The following SIMC1 variants were observed in gnomAD, a reference collection of about 807,000 sequenced individuals.
SIMC1 encodes the protein SUMO-interacting motif-containing protein 1.
In SIMC1, 55 loss-of-function variants were observed where a neutral mutation model predicts 82.3. The ratio of observed to expected loss-of-function variants is 0.67; its 90% confidence interval spans 0.54 to 0.84. The LOEUF (loss-of-function observed/expected upper bound fraction) is 0.84. SIMC1 is among the 40% of genes least tolerant of loss of function. The pLI, the probability that SIMC1 is intolerant of heterozygous loss-of-function variation, is 0.00. For missense variants in SIMC1, 915 were observed against 1,107.2 expected, an observed-to-expected ratio of 0.83 and a Z score of 2.46; for synonymous variants, 353 against 426.3, an observed-to-expected ratio of 0.83 and a Z score of 2.12.
intron 5 of SIMC1, 26 bp downstream of exon 5, chr5:176,313,871 TGA>T (rs1192241945): frequency 6.2e-7 from 1 of 1,612,156 alleles, no homozygotes; most frequent in Non-Finnish European, 8.5e-7. Context: ...AGCCCTCGGA[TGA>T]GAAGAGGTAA....
At chr5:176,250,152 T>C (rs1165309288) in intron 1 of SIMC1, among the ~76,000 whole-genome samples, 1 of 152,218 alleles carries the variant, frequency 6.6e-6, no homozygotes, top group African/African-American at 2.4e-5. Context: ...GAATTATTTA[T>C]TTCTGCCTTA....
intron 1 of SIMC1, among the ~76,000 whole-genome samples, chr5:176,260,116 C>G (rs547317880): frequency 1.5e-4 from 23 of 151,872 alleles, no homozygotes; most frequent in African/African-American, 5.6e-4. Context: ...AATGGTATTC[C>G]CAGTGCACAA....
chr5:176,245,785 A>G (rs1761415888), intron 1 of SIMC1, among the ~76,000 whole-genome samples: 1 of 152,166 alleles, frequency 6.6e-6, no homozygotes, highest in African/African-American at 2.4e-5. Flanking sequence ...TAAAGGAAAA[A>G]TGAGGAGGAT....
intron 1 of SIMC1, among the ~76,000 whole-genome samples, chr5:176,261,801 T>C (rs1273330554): frequency 6.6e-6 from 1 of 151,910 alleles, no homozygotes; most frequent in Non-Finnish European, 1.5e-5. Flanking sequence ...AGTAGACCTA[T>C]ATTCAATAAA....
intron 1 of SIMC1, among the ~76,000 whole-genome samples, chr5:176,248,330 G>A (rs1467071873): frequency 1.3e-5 from 2 of 152,070 alleles, no homozygotes; most frequent in Non-Finnish European, 2.9e-5. Context: ...CACATCCCTT[G>A]TAAGTTGTAT....
At chr5:176,341,823 A>G (rs972988160) in intron 9 of SIMC1, among the ~76,000 whole-genome samples, 2 of 152,206 alleles carry the variant, frequency 1.3e-5, no homozygotes, top group Non-Finnish European at 2.9e-5. Context: ...TACTAACAAT[A>G]CTATCAGCTG....
chr5:176,280,146 A>G (rs932510600), intron 1 of SIMC1, among the ~76,000 whole-genome samples: 3 of 152,042 alleles, frequency 2.0e-5, no homozygotes, highest in Non-Finnish European at 4.4e-5. Context: ...TGCTTTATGA[A>G]TCTGGGTGCT....
At chr5:176,308,909 CT>C in intron 4 of SIMC1, 1 of 1,303,874 alleles carries the variant, frequency 7.7e-7, no homozygotes, top group Non-Finnish European at 1.1e-6. Flanking sequence ...CAGCGGGCCT[CT>C]TCTACAGTGG....
chr5:176,337,710 GACATTGTAA>G (rs1313188413), intron 9 of SIMC1, among the ~76,000 whole-genome samples: 1 of 152,192 alleles, frequency 6.6e-6, no homozygotes, highest in Non-Finnish European at 1.5e-5. Context: ...ACTGACTGTG[GACATTGTAA>G]ACATTGTAAA....
chr5:176,252,482 C>A (rs1432035320), intron 1 of SIMC1, among the ~76,000 whole-genome samples: 3 of 149,948 alleles, frequency 2.0e-5, no homozygotes, highest in Non-Finnish European at 4.4e-5. Flanking sequence ...TGGGCAGAGG[C>A]GCTCCTCACA....
At chr5:176,280,531 C>T (rs1004488699) in intron 1 of SIMC1, among the ~76,000 whole-genome samples, 45 of 152,054 alleles carry the variant, frequency 3.0e-4, no homozygotes, top group African/African-American at 9.9e-4. Context: ...TTCCTAGTCT[C>T]GATGGTCTTT....
chr5:176,262,793 A>G (rs1360179115), intron 1 of SIMC1, among the ~76,000 whole-genome samples: 1 of 152,162 alleles, frequency 6.6e-6, no homozygotes, highest in Non-Finnish European at 1.5e-5. Context: ...TGACAGAGTG[A>G]GACTCTGTCT....
intron 1 of SIMC1, among the ~76,000 whole-genome samples, chr5:176,280,730 A>C (rs762972741): frequency 6.6e-6 from 1 of 151,504 alleles, no homozygotes; most frequent in Non-Finnish European, 1.5e-5. Context: ...TCTGGGTTGA[A>C]AATTCTTTAA....
intron 4 of SIMC1, among the ~76,000 whole-genome samples, chr5:176,304,712 G>A (rs1218187601): frequency 6.7e-6 from 1 of 149,744 alleles, no homozygotes; most frequent in Admixed American, 6.7e-5. Flanking sequence ...GAGCGTCTCC[G>A]CCCGGCCGCC....
At chr5:176,333,285 CAG>C (rs1008591599) in intron 7 of SIMC1, among the ~76,000 whole-genome samples, 1 of 151,756 alleles carries the variant, frequency 6.6e-6, no homozygotes, top group African/African-American at 2.4e-5. Flanking sequence ...GCCTGGGCGA[CAG>C]AGCAAGAGTC....
At position 176,337,051 on chromosome 5, in the gene SIMC1, T is replaced by C. The variant is rs778634334; in HGVS notation, c.2329-11T>C. 3 of 1,613,158 alleles carry C rather than the reference T, an allele frequency of 1.9e-6. No individual in the cohort carries two copies. Among genetic ancestry groups the C allele is most frequent in the Middle Eastern group, 1.7e-4 (1 of 6,058 alleles). ...GGCATTTATTATCAATCCATTTTAC[T>C]ATCTCTGCAGTCAGATAAAAGCCAG... is the stretch of plus-strand genomic sequence containing the variant. On this transcript the variant is annotated splice_polypyrimidine_tract_variant and intron_variant, in intron 8 of 9. Transcript: ENST00000429602.
chr5:176,238,711 C>T, intron 1 of SIMC1, 74 bp downstream of exon 1: 1 of 1,067,170 alleles, frequency 9.4e-7, no homozygotes, highest in South Asian at 4.8e-5. Flanking sequence ...CGCTTCCCGC[C>T]CCTGGCGCCT....
At chr5:176,331,504 A>C (rs1765668736) in intron 7 of SIMC1, among the ~76,000 whole-genome samples, 1 of 151,280 alleles carries the variant, frequency 6.6e-6, no homozygotes. Flanking sequence ...TAGTAGGGAA[A>C]GGGTTTCACC....
At chr5:176,275,913 G>A (rs1762669605) in intron 1 of SIMC1, among the ~76,000 whole-genome samples, 1 of 151,646 alleles carries the variant, frequency 6.6e-6, no homozygotes, top group Non-Finnish European at 1.5e-5. Flanking sequence ...TGTTCATCAA[G>A]GATATTGGTC....
Sources: gnomAD v4.1 joint callset for allele counts (sites outside exome capture counted in the v4.1 genomes callset) on GRCh38, gnomAD v4.1.1 for gene constraint, MANE v1.5 for transcripts, NCBI Gene and HGNC (gene_info 2026-07-23, HGNC 2026-07-21) for gene names.